The following MPPED2 variants were observed in gnomAD, a reference collection of about 807,000 sequenced individuals.
MPPED2 encodes the protein metallophosphoesterase domain containing 2.
A neutral mutation model predicts 33.0 loss-of-function variants in MPPED2; 5 were observed. The ratio of observed to expected loss-of-function variants is 0.15; its 90% CI spans 0.08 to 0.32. The LOEUF is 0.32. MPPED2 is among the 10% of genes least tolerant of loss of function. The pLI, the probability that MPPED2 is intolerant of heterozygous loss-of-function variation, is 1.00. For missense variants in MPPED2, 275 were observed against 372.1 expected (o/e 0.74, Z 2.15); for synonymous variants, 136 against 141.9 (o/e 0.96, Z 0.29).
At chr11:30,563,114 A>G (rs981078950) in intron 2 of MPPED2, among the ~76,000 whole-genome samples, 1 of 152,110 alleles carries the variant, frequency 6.6e-6, no homozygotes, top group Non-Finnish European at 1.5e-5. Flanking sequence ...TTATTGATTT[A>G]CTGTAACATT....
chr11:30,532,547 G>C (rs1954586870), intron 3 of MPPED2, among the ~76,000 whole-genome samples: 1 of 152,132 alleles, frequency 6.6e-6, no homozygotes, highest in South Asian at 2.1e-4. Flanking sequence ...GTTGTTCTAA[G>C]AACAGTATGA....
chr11:30,469,548 A>C (rs1468372407), intron 4 of MPPED2, among the ~76,000 whole-genome samples: 1 of 152,184 alleles, frequency 6.6e-6, no homozygotes, highest in Non-Finnish European at 1.5e-5. Flanking sequence ...CCAATTAAGT[A>C]TATTCTCCTA....
intron 2 of MPPED2, among the ~76,000 whole-genome samples, chr11:30,557,003 G>T (rs1312240119): frequency 1.3e-5 from 2 of 151,564 alleles, no homozygotes; most frequent in Non-Finnish European, 1.5e-5. Flanking sequence ...ATCATAAGGG[G>T]GTTAGTTTTA....
intron 4 of MPPED2, among the ~76,000 whole-genome samples, chr11:30,478,877 G>T (rs144233105): frequency 1.8e-4 from 28 of 152,208 alleles, no homozygotes; most frequent in Middle Eastern, 3.4e-3. Context: ...AGTGTTGTGG[G>T]TTTTTTGTTG....
chr11:30,391,713 G>C (rs1032472739), intron 6 of MPPED2, among the ~76,000 whole-genome samples: 7 of 152,132 alleles, frequency 4.6e-5, no homozygotes, highest in Non-Finnish European at 7.4e-5. Flanking sequence ...AATCAACATA[G>C]AAGCCAAACT....
intron 3 of MPPED2, among the ~76,000 whole-genome samples, chr11:30,499,430 GC>G (rs1952451905): frequency 1.3e-5 from 2 of 152,150 alleles, no homozygotes; most frequent in Non-Finnish European, 2.9e-5. Context: ...TCATGTCAGT[GC>G]TCAAAATGTT....
intron 3 of MPPED2, among the ~76,000 whole-genome samples, chr11:30,496,116 C>A (rs1174225646): frequency 6.6e-6 from 1 of 152,200 alleles, no homozygotes; most frequent in Non-Finnish European, 1.5e-5. Context: ...AGAAGGCTAA[C>A]TTTCCTCCTA....
chr11:30,454,489 A>G (rs1159895252), intron 4 of MPPED2, among the ~76,000 whole-genome samples: 1 of 151,670 alleles, frequency 6.6e-6, no homozygotes, highest in Non-Finnish European at 1.5e-5. Flanking sequence ...AAAATTATAA[A>G]TTTTTTTTTA....
chr11:30,396,030 T>C (rs1363074341), intron 6 of MPPED2, among the ~76,000 whole-genome samples: 1 of 152,196 alleles, frequency 6.6e-6, no homozygotes, highest in Non-Finnish European at 1.5e-5. Flanking sequence ...TTTATCATAC[T>C]GAGATGCTTG....
At chr11:30,585,236 A>C (rs1296547477) in intron 1 of MPPED2, among the ~76,000 whole-genome samples, 3 of 152,036 alleles carry the variant, frequency 2.0e-5, no homozygotes, top group African/African-American at 4.8e-5. Flanking sequence ...TTTCCTCGGT[A>C]CTCGTCCCCC....
At chr11:30,511,688 T>G (rs1391718168) in intron 3 of MPPED2, among the ~76,000 whole-genome samples, 1 of 152,234 alleles carries the variant, frequency 6.6e-6, no homozygotes, top group Non-Finnish European at 1.5e-5. Flanking sequence ...TAGTTCCTTG[T>G]AAATCTCAAT....
chr11:30,498,167 G>T (rs979732367), intron 3 of MPPED2, among the ~76,000 whole-genome samples: 2 of 151,800 alleles, frequency 1.3e-5, no homozygotes, highest in African/African-American at 4.8e-5. Flanking sequence ...GTCAGGCAAA[G>T]AGGTGCCTGC....
At chr11:30,460,699 A>C (rs1020373592) in intron 4 of MPPED2, among the ~76,000 whole-genome samples, 4 of 152,156 alleles carry the variant, frequency 2.6e-5, no homozygotes, top group Non-Finnish European at 4.4e-5. Flanking sequence ...GAATCAGATG[A>C]ATACTGGTTT....
chr11:30,431,176 G>A (rs1390631398), intron 4 of MPPED2, among the ~76,000 whole-genome samples: 1 of 152,178 alleles, frequency 6.6e-6, no homozygotes, highest in Non-Finnish European at 1.5e-5. Flanking sequence ...GGATTCCTAA[G>A]CTTTCCTGGA....
chr11:30,466,469 G>A (rs892187615), intron 4 of MPPED2, among the ~76,000 whole-genome samples: 4 of 152,290 alleles, frequency 2.6e-5, no homozygotes, highest in East Asian at 1.9e-4. Context: ...CCTGACATCC[G>A]GTCCAATGGT....
At chr11:30,414,178 A>G (rs1458147807) in intron 6 of MPPED2, 50 bp downstream of exon 6, 2 of 1,276,624 alleles carry the variant, frequency 1.6e-6, no homozygotes, top group Admixed American at 3.4e-5. Flanking sequence ...GTAGACTGAG[A>G]TAGTGGACAG....
intron 4 of MPPED2, among the ~76,000 whole-genome samples, chr11:30,461,702 A>G (rs567469953): frequency 6.6e-6 from 1 of 152,316 alleles, no homozygotes; most frequent in African/African-American, 2.4e-5. Context: ...GAAAAAATAG[A>G]GATGTTCCCT....
chr11:30,575,524 T>C (rs925663665), intron 2 of MPPED2, among the ~76,000 whole-genome samples: 33 of 152,218 alleles, frequency 2.2e-4, no homozygotes, highest in African/African-American at 7.7e-4. Context: ...AGATCGCTGA[T>C]TTCAGACCAT....
chr11:30,393,328 T>A (rs961791135), intron 6 of MPPED2, among the ~76,000 whole-genome samples: 3 of 152,140 alleles, frequency 2.0e-5, no homozygotes, highest in Admixed American at 1.3e-4. Context: ...GGACAGTCTC[T>A]GTGGTCTTTA....
Sources: allele counts gnomAD v4.1 joint callset (sites outside exome capture counted in the v4.1 genomes callset), GRCh38; gene constraint gnomAD v4.1.1; transcripts MANE v1.5; gene names NCBI Gene and HGNC (gene_info 2026-07-23, HGNC 2026-07-21).